NTM: variants seen among roughly 807,000 people sequenced by gnomAD.
The protein encoded by NTM is neurotrimin.
In NTM, 13 loss-of-function variants were observed where a neutral mutation model predicts 42.1. That is an observed-to-expected ratio of 0.31 (90% confidence interval 0.20 to 0.49). The LOEUF (loss-of-function observed/expected upper bound fraction) is 0.49, where lower values mean the gene tolerates loss of function less well. Ranked by LOEUF, NTM falls within the 20% of genes least tolerant of loss-of-function variation. The pLI is 0.99. For missense variants in NTM, 373 were observed against 452.8 expected (o/e 0.82, Z 1.60); for synonymous variants, 187 against 179.2 (o/e 1.04, Z -0.35).
At chr11:131,816,475 A>G (rs563245793) in intron 1 of NTM, among the ~76,000 whole-genome samples, 31 of 152,190 alleles carry the variant, frequency 2.0e-4, no homozygotes, top group African/African-American at 7.0e-4. Flanking sequence ...GGCTTTGTTA[A>G]TAGAGATTAC....
intron 1 of NTM, among the ~76,000 whole-genome samples, chr11:131,738,224 C>T (rs952876958): frequency 6.6e-6 from 1 of 152,154 alleles, no homozygotes; most frequent in African/African-American, 2.4e-5. Context: ...CAGAGAACTG[C>T]AGGACTCAGG....
At chr11:131,823,383 C>T (rs608887) in intron 1 of NTM, among the ~76,000 whole-genome samples, 43,521 of 151,992 alleles carry the variant, frequency 0.29, 6,983 homozygotes, top group African/African-American at 0.43. Flanking sequence ...AGTAGGTAAG[C>T]ACGAAATTAG....
At chr11:131,943,000 C>T (rs953018191) in intron 2 of NTM, among the ~76,000 whole-genome samples, 1 of 151,554 alleles carries the variant, frequency 6.6e-6, no homozygotes, top group Non-Finnish European at 1.5e-5. Context: ...GCAGGGCATT[C>T]CTGGCAGAGA....
chr11:131,720,740 A>G (rs1476833803), intron 1 of NTM, among the ~76,000 whole-genome samples: 4 of 152,168 alleles, frequency 2.6e-5, no homozygotes, highest in Non-Finnish European at 4.4e-5. Context: ...AGTGGTTACA[A>G]CTTCCAACTG....
chr11:132,163,740 A>G (rs1286071521), intron 3 of NTM, among the ~76,000 whole-genome samples: 1 of 152,230 alleles, frequency 6.6e-6, no homozygotes. Context: ...AAGTTGTTGT[A>G]GAGACAGAAG....
intron 1 of NTM, chr11:131,662,016 A>G (rs1302192920): frequency 6.6e-6 from 1 of 152,244 alleles, no homozygotes; most frequent in Non-Finnish European, 1.5e-5. Context: ...GAAAAAGACA[A>G]AAACCATTTC....
chr11:131,569,537 G>A (rs527321086), intron 1 of NTM, among the ~76,000 whole-genome samples: 2 of 144,676 alleles, frequency 1.4e-5, no homozygotes, highest in African/African-American at 5.1e-5. Context: ...TTACACTCAG[G>A]TTTTTCTCTA....
At chr11:132,001,634 C>A (rs2069263702) in intron 2 of NTM, among the ~76,000 whole-genome samples, 1 of 152,136 alleles carries the variant, frequency 6.6e-6, no homozygotes, top group Admixed American at 6.6e-5. Context: ...CTCATGAGGA[C>A]AGCCCGAAGC....
chr11:131,896,679 CTT>C (rs71067345), intron 1 of NTM, among the ~76,000 whole-genome samples: 1,825 of 100,538 alleles, frequency 0.018, 18 homozygotes, highest in African/African-American at 0.067. Context: ...ACATTTTAGG[CTT>C]TTTTTTTTTT....
chr11:131,504,411 G>C (rs1010420488), intron 1 of NTM, among the ~76,000 whole-genome samples: 1 of 152,174 alleles, frequency 6.6e-6, no homozygotes, highest in Admixed American at 6.5e-5. Flanking sequence ...CAGCTACCCA[G>C]CTCAGCCCTG....
At chr11:131,861,499 A>T (rs142062098) in intron 1 of NTM, among the ~76,000 whole-genome samples, 1 of 152,232 alleles carries the variant, frequency 6.6e-6, no homozygotes, top group Admixed American at 6.5e-5. Flanking sequence ...CTTTCTTGAT[A>T]AAAATTAAGG....
At chr11:131,876,845 G>A (rs1208295790) in intron 1 of NTM, among the ~76,000 whole-genome samples, 1 of 151,736 alleles carries the variant, frequency 6.6e-6, no homozygotes, top group Non-Finnish European at 1.5e-5. Context: ...ATAGTTTTAT[G>A]AACACAAAGC....
chr11:131,756,872 G>T (rs928726896), intron 1 of NTM, among the ~76,000 whole-genome samples: 2 of 152,156 alleles, frequency 1.3e-5, no homozygotes, highest in South Asian at 2.1e-4. Context: ...AAAAGGAAAC[G>T]CTTCTTTGTC....
intron 2 of NTM, among the ~76,000 whole-genome samples, chr11:132,122,501 T>G (rs2065010324): frequency 6.6e-6 from 1 of 152,094 alleles, no homozygotes; most frequent in African/African-American, 2.4e-5. Flanking sequence ...GTTCGTGAGT[T>G]TTTTAAGGAT....
At chr11:131,391,644 G>GAAAAAAAAAAAA (rs5795723) in intron 1 of NTM, among the ~76,000 whole-genome samples, 58 of 81,526 alleles carry the variant, frequency 7.1e-4, no homozygotes, top group South Asian at 1.2e-3. Flanking sequence ...TTTTATCTGG[G>GAAAAAAAAAAAA]AAAAAAAAAA....
chr11:132,287,449 T>A (rs1315667942), intron 4 of NTM, among the ~76,000 whole-genome samples: 1 of 152,174 alleles, frequency 6.6e-6, no homozygotes, highest in Non-Finnish European at 1.5e-5. Context: ...TGGGTGTGCA[T>A]GTGACTGAGC....
intron 1 of NTM, among the ~76,000 whole-genome samples, chr11:131,392,988 T>C (rs2442102): frequency 0.88 from 134,043 of 152,178 alleles, 59,484 homozygotes; most frequent in African/African-American, 0.95. Context: ...TCCAGAGAGT[T>C]CCTGTGGATG....
intron 1 of NTM, chr11:131,660,811 T>C: frequency 8.5e-7 from 1 of 1,176,614 alleles, no homozygotes; most frequent in Non-Finnish European, 1.1e-6. Context: ...TATAGAAAGG[T>C]AGGATGAAAA....
intron 1 of NTM, among the ~76,000 whole-genome samples, chr11:131,713,271 A>C (rs2077361954): frequency 6.6e-6 from 1 of 152,182 alleles, no homozygotes; most frequent in Non-Finnish European, 1.5e-5. Flanking sequence ...AAAGAAAGGG[A>C]AGGAAAACAT....
Sources: gnomAD v4.1 joint callset for allele counts (sites outside exome capture counted in the v4.1 genomes callset) on GRCh38, gnomAD v4.1.1 for gene constraint, MANE v1.5 for transcripts, NCBI Gene and HGNC (gene_info 2026-07-23, HGNC 2026-07-21) for gene names.